GULP1: variants seen among roughly 807,000 people sequenced by gnomAD.
GULP1 encodes PTB domain-containing engulfment adapter protein 1.
Under a neutral mutation model 40.9 loss-of-function variants are expected in GULP1, and 19 were observed. The ratio of observed to expected loss-of-function variants is 0.46; its 90% confidence interval spans 0.32 to 0.68. GULP1 has a LOEUF of 0.68. Among genes scored for constraint, GULP1 ranks in the 30% least tolerant of loss-of-function variants. The pLI is 0.03. For synonymous variants in GULP1, 119 were observed against 117.6 expected, an observed-to-expected ratio of 1.01 and a Z score of -0.08; for missense variants, 312 against 362.2, an observed-to-expected ratio of 0.86 and a Z score of 1.12.
chr2:188,293,984 G>C (rs775052134), intron 1 of GULP1: 1 of 152,228 alleles, frequency 6.6e-6, no homozygotes, highest in African/African-American at 2.4e-5. Context: ...ACTAAGCATA[G>C]AGTGCAGTTG....
chr2:188,565,029 C>T (rs10175372), intron 7 of GULP1, among the ~76,000 whole-genome samples: 150,911 of 152,002 alleles, frequency 0.99, 74,922 homozygotes, highest in Middle Eastern at 1. Context: ...CTCCTACTTA[C>T]GCTACATAAA....
At chr2:188,472,013 G>A (rs2153010392) in intron 2 of GULP1, among the ~76,000 whole-genome samples, 1 of 152,182 alleles carries the variant, frequency 6.6e-6, no homozygotes, top group Admixed American at 6.5e-5. Flanking sequence ...TCTCCTTTAT[G>A]TTTAAAGGAT....
chr2:188,492,850 G>T (rs114621846), intron 4 of GULP1, among the ~76,000 whole-genome samples: 1 of 151,938 alleles, frequency 6.6e-6, no homozygotes. Context: ...TGGCATCATC[G>T]TGTTTTTCCT....
intron 7 of GULP1, among the ~76,000 whole-genome samples, chr2:188,560,059 T>C (rs1196440711): frequency 6.6e-6 from 1 of 152,214 alleles, no homozygotes; most frequent in Non-Finnish European, 1.5e-5. Context: ...GGTATGTCTT[T>C]ATCAGCAGCG....
intron 2 of GULP1, among the ~76,000 whole-genome samples, chr2:188,429,175 T>A (rs748910889): frequency 1.3e-5 from 2 of 152,138 alleles, no homozygotes; most frequent in Non-Finnish European, 2.9e-5. Flanking sequence ...TAACTTGAAT[T>A]TGGTGTCAGA....
At chr2:188,498,539 C>A (rs1473575956) in intron 4 of GULP1, among the ~76,000 whole-genome samples, 10 of 151,576 alleles carry the variant, frequency 6.6e-5, no homozygotes, top group African/African-American at 2.4e-4. Context: ...GAAAATAAAC[C>A]AAAAAATGTT....
chr2:188,426,709 G>A (rs1184059121), intron 2 of GULP1, among the ~76,000 whole-genome samples: 1 of 152,106 alleles, frequency 6.6e-6, no homozygotes, highest in East Asian at 1.9e-4. Context: ...CAAAAATGTA[G>A]GAGTTTCTTT....
chr2:188,440,404 C>T (rs541198189), intron 2 of GULP1, among the ~76,000 whole-genome samples: 13 of 152,094 alleles, frequency 8.5e-5, no homozygotes, highest in South Asian at 2.1e-4. Context: ...CAAGGTTACA[C>T]GGGGCATTAA....
intron 2 of GULP1, among the ~76,000 whole-genome samples, chr2:188,433,541 A>G (rs1162455449): frequency 1.3e-5 from 2 of 152,158 alleles, no homozygotes; most frequent in Non-Finnish European, 2.9e-5. Context: ...AGGACTGTCA[A>G]CCAAGTGGGA....
chr2:188,317,797 T>C (rs923451982), intron 1 of GULP1, among the ~76,000 whole-genome samples: 5 of 90,288 alleles, frequency 5.5e-5, no homozygotes, highest in African/African-American at 2.8e-4. Context: ...ATTAGTGAGG[T>C]TTTTTTTTTA....
At chr2:188,297,543 C>G in intron 1 of GULP1, 1 of 453,346 alleles carries the variant, frequency 2.2e-6, no homozygotes, top group Non-Finnish European at 4.5e-6. Flanking sequence ...TTTGCCAGAG[C>G]TACAAAGGCA....
chr2:188,538,798 C>T (rs1689644097), intron 6 of GULP1, among the ~76,000 whole-genome samples: 1 of 151,582 alleles, frequency 6.6e-6, no homozygotes, highest in Non-Finnish European at 1.5e-5. Context: ...TTAGAAACTA[C>T]TATTCAAGGA....
chr2:188,422,264 A>G (rs1205160337), intron 2 of GULP1, among the ~76,000 whole-genome samples: 1 of 151,774 alleles, frequency 6.6e-6, no homozygotes, highest in East Asian at 1.9e-4. Context: ...TTAGTGATTA[A>G]TATACCCAGG....
intron 1 of GULP1, among the ~76,000 whole-genome samples, chr2:188,375,541 A>G (rs2048187436): frequency 6.6e-6 from 1 of 152,354 alleles, no homozygotes; most frequent in African/African-American, 2.4e-5. Flanking sequence ...GACTGTTTAC[A>G]AAAGTGCTTA....
At position 188,569,278 on chromosome 2, in the gene GULP1, C is replaced by T; in HGVS notation, c.439C>T (p.Leu147=). 1.9e-6 allele frequency: 3 copies of T among 1,597,618 alleles called. No homozygotes were observed. The highest frequency in any genetic ancestry group is 2.6e-6 in the Non-Finnish European group (3 of 1,165,234). ...TTTAACAATTGGCCAAGCATTTGAC[C>T]TGGCATACAGGAAATTTCTAGAATC... The part of the protein sequence containing the change: ...ITLTIGQAFD[L]AYRKFLESGG... The change falls in exon 8 of 12, where the codon CTG becomes TTG. Residue 147 remains leucine (L), a synonymous_variant. Coordinates refer to ENST00000409830, the MANE Select transcript of GULP1 (RefSeq NM_016315.4).
chr2:188,323,600 T>A (rs573415162), intron 1 of GULP1, among the ~76,000 whole-genome samples: 2 of 151,772 alleles, frequency 1.3e-5, no homozygotes, highest in Non-Finnish European at 2.9e-5. Context: ...TTAAGGAGTT[T>A]GTGAGTGCAA....
chr2:188,405,729 C>T (rs977548227), intron 2 of GULP1, among the ~76,000 whole-genome samples: 1 of 152,210 alleles, frequency 6.6e-6, no homozygotes, highest in Non-Finnish European at 1.5e-5. Flanking sequence ...GGCCAGCTTA[C>T]ATAAGGACCC....
At chr2:188,478,994 A>G (rs2061245922) in intron 3 of GULP1, among the ~76,000 whole-genome samples, 1 of 152,144 alleles carries the variant, frequency 6.6e-6, no homozygotes, top group South Asian at 2.1e-4. Flanking sequence ...TCATGTGTTA[A>G]TGAGAGCTGT....
In GULP1 at chr2:188,595,742, T is replaced by C. The variant is rs1424907194; in HGVS notation, c.*1731T>C. 3 of 152,202 alleles carry C rather than the reference T, an allele frequency of 2.0e-5. No individual in the cohort carries two copies. Among genetic ancestry groups the C allele is most frequent in the African/African-American group, 7.2e-5 (3 of 41,404 alleles). The allele number at this position is 152,202 out of a possible 1,614,324, so 9.4% of individuals were successfully genotyped here. A position where few individuals can be genotyped will look rare whatever the true frequency, so the allele number is the denominator to read the frequency against. ...TGGTATTTGCACATTTAAGATATGT[T>C]ACTTTACCAATTTTTAATGGTAATC... On this transcript the variant is annotated 3_prime_UTR_variant, in exon 12 of 12. Coordinates refer to ENST00000409830, the MANE Select transcript of GULP1 (RefSeq NM_016315.4).
Sources: allele counts gnomAD v4.1 joint callset (sites outside exome capture counted in the v4.1 genomes callset), GRCh38; gene constraint gnomAD v4.1.1; transcripts MANE v1.5; gene names NCBI Gene and HGNC (gene_info 2026-07-23, HGNC 2026-07-21).